The following LRRC4C variants were observed in gnomAD, a reference collection of about 807,000 sequenced individuals.
LRRC4C encodes leucine-rich repeat-containing protein 4C.
In LRRC4C, 5 loss-of-function variants were observed where a neutral mutation model predicts 33.6. The observed-to-expected ratio is 0.15, with a 90% CI of 0.08 to 0.31. The LOEUF (loss-of-function observed/expected upper bound fraction) is 0.31, where lower values mean the gene tolerates loss of function less well. Ranked by LOEUF, LRRC4C falls within the 10% of genes least tolerant of loss-of-function variation. The pLI is 1.00. For missense variants in LRRC4C, 560 were observed against 796.7 expected (o/e 0.70, Z 3.58); for synonymous variants, 329 against 302.0 (o/e 1.09, Z -0.93).
chr11:41,294,007 T>C (rs1950067765), intron 1 of LRRC4C, among the ~76,000 whole-genome samples: 1 of 152,112 alleles, frequency 6.6e-6, no homozygotes, highest in Non-Finnish European at 1.5e-5. Flanking sequence ...ACAATTGAAC[T>C]CAGTGGCTTC....
intron 2 of LRRC4C, among the ~76,000 whole-genome samples, chr11:40,727,120 G>GA (rs1947322279): frequency 6.6e-6 from 1 of 152,074 alleles, no homozygotes; most frequent in Non-Finnish European, 1.5e-5. Context: ...AGACATAGTT[G>GA]AGAGTTGAGA....
intron 3 of LRRC4C, among the ~76,000 whole-genome samples, chr11:40,539,111 T>C (rs1281122582): frequency 1.3e-5 from 2 of 152,184 alleles, no homozygotes; most frequent in African/African-American, 2.4e-5. Flanking sequence ...GCTTTTTCAG[T>C]GGTCATATTG....
At chr11:41,149,157 C>A (rs1004353834) in intron 1 of LRRC4C, among the ~76,000 whole-genome samples, 1 of 152,036 alleles carries the variant, frequency 6.6e-6, no homozygotes, top group East Asian at 1.9e-4. Flanking sequence ...GCTTTTAGTG[C>A]CTTAGTCTAT....
At chr11:40,828,387 T>C (rs537787128) in intron 2 of LRRC4C, among the ~76,000 whole-genome samples, 2 of 151,882 alleles carry the variant, frequency 1.3e-5, no homozygotes, top group Non-Finnish European at 2.9e-5. Flanking sequence ...TAATATTTTG[T>C]AGTTTGCTAA....
intron 1 of LRRC4C, among the ~76,000 whole-genome samples, chr11:41,066,017 T>C (rs1296822013): frequency 6.6e-6 from 1 of 152,110 alleles, no homozygotes; most frequent in Non-Finnish European, 1.5e-5. Context: ...CTCCTCCAAA[T>C]GATCACAACA....
At chr11:40,661,301 C>T (rs1454585768) in intron 2 of LRRC4C, among the ~76,000 whole-genome samples, 2 of 151,970 alleles carry the variant, frequency 1.3e-5, no homozygotes, top group African/African-American at 4.8e-5. Flanking sequence ...TGAGTTTAAA[C>T]ATACTTATAT....
At chr11:41,132,150 AC>A (rs1478082790) in intron 1 of LRRC4C, among the ~76,000 whole-genome samples, 1 of 152,128 alleles carries the variant, frequency 6.6e-6, no homozygotes, top group Non-Finnish European at 1.5e-5. Flanking sequence ...TCTGGATCAG[AC>A]CCTTTTCCAG....
intron 4 of LRRC4C, among the ~76,000 whole-genome samples, chr11:40,306,567 C>T (rs1328957317): frequency 6.6e-6 from 1 of 152,154 alleles, no homozygotes; most frequent in Non-Finnish European, 1.5e-5. Context: ...AGATCCTGAC[C>T]ACTCTTCCCA....
rs1307934616 is a variant in LRRC4C at position 40,698,380 on chromosome 11, C to G, written c.-406-50102G>C. Among the ~76,000 whole-genome samples, 3 of 152,234 alleles carry G rather than the reference C, an allele frequency of 2.0e-5. No individual in the cohort carries two copies. In the East Asian group the frequency reaches 5.8e-4, roughly 29 times the overall value. On this transcript the variant is annotated intron_variant, in intron 2 of 6. Transcript: ENST00000528697. The stretch of plus-strand genomic sequence containing the variant: ...CGCTTATTACTAACTTTTAATTCTT[C>G]TCTATACTAGCAATCATTGTATTTT...
chr11:40,585,110 G>A (rs1958661291), intron 3 of LRRC4C, among the ~76,000 whole-genome samples: 1 of 152,156 alleles, frequency 6.6e-6, no homozygotes, highest in African/African-American at 2.4e-5. Context: ...GTTGGCCTAT[G>A]CAGATAGGAC....
rs377091165 is a variant in LRRC4C at position 40,158,442 on chromosome 11, A to G, written c.-95-17589T>C. On this transcript the variant is annotated intron_variant, in intron 5 of 6. Transcript: ENST00000528697. ...ATTTTAAAAATTACATTTATCTGTGACTATAGTTTCAGTTTAATAATTATG... is the reference window on the plus strand; with the variant it reads ...ATTTTAAAAATTACATTTATCTGTGGCTATAGTTTCAGTTTAATAATTATG... 2.4e-4 allele frequency among the ~76,000 whole-genome samples: 37 copies of G among 152,228 alleles called. 2 individuals carry two copies. Among genetic ancestry groups the G allele is most frequent in the African/African-American group, 8.7e-4 (36 of 41,558 alleles).
intron 3 of LRRC4C, among the ~76,000 whole-genome samples, chr11:40,517,959 C>T (rs1955641146): frequency 6.6e-6 from 1 of 152,098 alleles, no homozygotes; most frequent in Non-Finnish European, 1.5e-5. Flanking sequence ...TAAAACCACA[C>T]ATCTACAATC....
intron 2 of LRRC4C, among the ~76,000 whole-genome samples, chr11:40,730,341 A>C (rs1407641372): frequency 6.6e-6 from 1 of 152,212 alleles, no homozygotes; most frequent in Admixed American, 6.5e-5. Context: ...TGTCCCAACC[A>C]CTACATTTTT....
At chr11:40,796,976 A>T (rs905631066) in intron 2 of LRRC4C, among the ~76,000 whole-genome samples, 1 of 152,130 alleles carries the variant, frequency 6.6e-6, no homozygotes, top group Non-Finnish European at 1.5e-5. Context: ...GACCACTATT[A>T]CTATCACACG....
At chr11:40,546,068 T>TCCTA (rs1327789804) in intron 3 of LRRC4C, among the ~76,000 whole-genome samples, 2 of 126,572 alleles carry the variant, frequency 1.6e-5, no homozygotes, top group African/African-American at 7.2e-5. Flanking sequence ...CTTCCTTCCT[T>TCCTA]CCTTCCTTCC....
chr11:40,266,337 G>C (rs1409994555), intron 4 of LRRC4C, among the ~76,000 whole-genome samples: 1 of 151,666 alleles, frequency 6.6e-6, no homozygotes, highest in Non-Finnish European at 1.5e-5. Context: ...AAAAGAAGGC[G>C]GCGGCGAATG....
At chr11:41,181,053 T>C (rs1444946598) in intron 1 of LRRC4C, among the ~76,000 whole-genome samples, 1 of 152,176 alleles carries the variant, frequency 6.6e-6, no homozygotes, top group Non-Finnish European at 1.5e-5. Context: ...TGGTAATTAA[T>C]AAACTAGGAA....
chr11:41,018,494 G>A (rs567045382), intron 1 of LRRC4C, among the ~76,000 whole-genome samples: 6 of 152,210 alleles, frequency 3.9e-5, no homozygotes, highest in African/African-American at 1.4e-4. Context: ...ATAGGACAGT[G>A]GGACTCTCAT....
intron 4 of LRRC4C, among the ~76,000 whole-genome samples, chr11:40,271,666 G>A (rs1419528096): frequency 6.6e-6 from 1 of 152,068 alleles, no homozygotes; most frequent in Non-Finnish European, 1.5e-5. Context: ...CCTTTCACTG[G>A]GGTATAACAC....
Sources: allele counts gnomAD v4.1 joint callset (sites outside exome capture counted in the v4.1 genomes callset), GRCh38; gene constraint gnomAD v4.1.1; transcripts MANE v1.5; gene names NCBI Gene and HGNC (gene_info 2026-07-23, HGNC 2026-07-21).